The following LEPR variants were observed in gnomAD, a reference collection of about 807,000 sequenced individuals.
LEPR encodes leptin receptor, also known as OB receptor.
LEPR carries 56 observed loss-of-function variants against 114.7 expected under a neutral mutation model. The ratio of observed to expected loss-of-function variants is 0.49; its 90% CI spans 0.39 to 0.61. LEPR has a LOEUF of 0.61. LEPR is among the 20% of genes least tolerant of loss of function. The pLI is 0.00. For missense variants in LEPR, 1,202 were observed against 1,352.9 expected (o/e 0.89, Z 1.75); for synonymous variants, 443 against 461.4 (o/e 0.96, Z 0.51).
chr1:65,579,539 C>T (rs1654836142), intron 5 of LEPR, among the ~76,000 whole-genome samples: 2 of 152,164 alleles, frequency 1.3e-5, no homozygotes, highest in Non-Finnish European at 2.9e-5. Context: ...AAGCTCAGGG[C>T]AGTTTCCTGC....
intron 2 of LEPR, among the ~76,000 whole-genome samples, chr1:65,482,123 T>TACACACAC (rs141690381): frequency 0.016 from 2,407 of 149,586 alleles, 32 homozygotes; most frequent in African/African-American, 0.031. Context: ...ATTTTACACA[T>TACACACAC]ACACACACAC....
At chr1:65,504,460 G>A (rs1037809604) in intron 2 of LEPR, among the ~76,000 whole-genome samples, 3 of 152,218 alleles carry the variant, frequency 2.0e-5, no homozygotes, top group African/African-American at 7.2e-5. Context: ...CTTGTATGAT[G>A]CAATGGAAAT....
chr1:65,624,681 C>A (rs34075504), intron 19 of LEPR, among the ~76,000 whole-genome samples: 35,017 of 152,104 alleles, frequency 0.23, 4,369 homozygotes, highest in South Asian at 0.34. Context: ...TTTTAAAATT[C>A]TATTTTATTT....
intron 1 of LEPR, 55 bp from the exon 2 acceptor site, chr1:65,425,248 A>G: frequency 6.7e-7 from 1 of 1,489,468 alleles, no homozygotes; most frequent in Non-Finnish European, 9.3e-7. Context: ...CAAACCCTCT[A>G]GTGCCTGACA....
intron 2 of LEPR, 22 bp downstream of exon 2, chr1:65,425,400 A>G (rs781102208): frequency 1.3e-6 from 2 of 1,575,780 alleles, no homozygotes; most frequent in Admixed American, 3.9e-5. Flanking sequence ...TTTCAAAAAG[A>G]ACTATTCCTC....
chr1:65,530,063 T>G (rs1650277025), intron 2 of LEPR, among the ~76,000 whole-genome samples: 1 of 152,244 alleles, frequency 6.6e-6, no homozygotes, highest in Non-Finnish European at 1.5e-5. Context: ...AGCTGTCTAC[T>G]GAGCATTTCC....
At chr1:65,548,367 A>T (rs547761516) in intron 2 of LEPR, among the ~76,000 whole-genome samples, 1 of 152,000 alleles carries the variant, frequency 6.6e-6, no homozygotes, top group Non-Finnish European at 1.5e-5. Context: ...TATCCTTGTT[A>T]ACTTTCTCTG....
rs1401534367 is a variant in LEPR at position 65,605,215 on chromosome 1, A to ATG, written c.1585_1586dup (p.Leu530SerfsTer7). 6.2e-7 allele frequency: 1 copy of ATG among 1,614,032 alleles called. No individual in the cohort carries two copies. Among genetic ancestry groups the ATG allele is most frequent in the Admixed American group, 1.7e-5 (1 of 60,012 alleles). Reference sequence around the variant, plus strand: ...TAGGTTCACTTGACTCTCCACCAACATGTGTCCTTCCTGATTCTGTGGGTA... The same window carrying ATG: ...TAGGTTCACTTGACTCTCCACCAACATGTGTGTCCTTCCTGATTCTGTGGGTA... On this transcript the variant is annotated frameshift_variant, in exon 11 of 20. Transcript: ENST00000349533. LOFTEE classifies it high-confidence loss of function.
At chr1:65,560,057 C>G (rs1653200760) in intron 2 of LEPR, among the ~76,000 whole-genome samples, 2 of 143,034 alleles carry the variant, frequency 1.4e-5, no homozygotes, top group South Asian at 4.8e-4. Flanking sequence ...TCCATATGAA[C>G]TTGAAAGTAG....
At chr1:65,631,723 TATG>T (rs1031958422) in intron 19 of LEPR, among the ~76,000 whole-genome samples, 2 of 152,214 alleles carry the variant, frequency 1.3e-5, no homozygotes, top group African/African-American at 4.8e-5. Flanking sequence ...GAAAATGTGT[TATG>T]ATAACTCATT....
At chr1:65,477,454 G>A (rs550532392) in intron 2 of LEPR, among the ~76,000 whole-genome samples, 2 of 152,192 alleles carry the variant, frequency 1.3e-5, no homozygotes, top group African/African-American at 4.8e-5. Flanking sequence ...CTGTCAAAGT[G>A]CCCTTCAGAA....
intron 5 of LEPR, among the ~76,000 whole-genome samples, chr1:65,588,118 T>C (rs1284431227): frequency 6.6e-6 from 1 of 151,932 alleles, no homozygotes; most frequent in Non-Finnish European, 1.5e-5. Flanking sequence ...ACACTGTTAC[T>C]CCACACTCTT....
intron 5 of LEPR, among the ~76,000 whole-genome samples, chr1:65,585,294 T>C (rs1655240798): frequency 6.6e-6 from 1 of 152,100 alleles, no homozygotes; most frequent in Admixed American, 6.6e-5. Flanking sequence ...TATTTTGCTG[T>C]CAGTTTACAT....
intron 2 of LEPR, chr1:65,494,065 G>A (rs1648020476): frequency 6.6e-6 from 1 of 152,144 alleles, no homozygotes; most frequent in Admixed American, 6.6e-5. Flanking sequence ...GTTCTGGGAG[G>A]TGGGACAGTG....
In LEPR at chr1:65,640,923, T is replaced by TTTTA. The variant is rs3086968; in HGVS notation, c.*3928_*3931dup. 31,290 of 150,590 alleles carry TTTTA rather than the reference T, an allele frequency of 0.21. 4,358 individuals are homozygous for TTTTA. The highest frequency in any genetic ancestry group is 0.77 in the East Asian group (3,805 of 4,938). The allele number at this position is 150,590 out of a possible 1,614,324, so 9.3% of individuals were successfully genotyped here. On this transcript the variant is annotated 3_prime_UTR_variant, in exon 20 of 20. Transcript: ENST00000349533. ...TTACGGGCACACCACCATGCCCAGC[T>TTTTA]TTTATTTATTTATTTATTTATTTTG...
At chr1:65,530,483 G>T (rs1171268) in intron 2 of LEPR, among the ~76,000 whole-genome samples, 102,794 of 152,060 alleles carry the variant, frequency 0.68, 35,665 homozygotes, top group Middle Eastern at 0.87. Context: ...AGGTCTGCTG[G>T]TTGCCCATTT....
intron 2 of LEPR, among the ~76,000 whole-genome samples, chr1:65,451,329 G>A (rs1646781854): frequency 6.6e-6 from 1 of 152,118 alleles, no homozygotes; most frequent in South Asian, 2.1e-4. Context: ...TGCTCTTGGT[G>A]TTTTAGACAT....
rs530055996 is a variant in LEPR, at chr1:65,552,950, G to T, written c.-20-12596G>T. ...TCTCAGCATTTGCTTGTCTGTAAAG[G>T]ATTTTATTTCTCCTTCACTTATGAA... On this transcript the variant is annotated intron_variant, in intron 2 of 19. Coordinates refer to ENST00000349533, the MANE Select transcript of LEPR (RefSeq NM_002303.6). Among the ~76,000 whole-genome samples the T allele has an allele frequency of 2.0e-5, 3 of 152,244 alleles. No individual in the cohort carries two copies. In the East Asian group the frequency reaches 5.8e-4, roughly 29 times the overall value.
rs374995593 is a variant in LEPR at position 65,621,430 on chromosome 1, C to T, written c.2569C>T (p.Leu857Phe). 1.2e-6 allele frequency: 2 copies of T among 1,613,124 alleles called. No homozygotes were observed. Among genetic ancestry groups the T allele is most frequent in the Non-Finnish European group, 8.5e-7 (1 of 1,179,448 alleles). ...AATTATTTCCTCTTCCATCTTATTG[C>T]TTGGAACATTATTAATATCACACCA... ...PVIISSSILLLGTLLISHQRM... is the reference protein window; with the variant it reads ...PVIISSSILLFGTLLISHQRM... Residue 857 changes from leucine to phenylalanine, a missense_variant, in exon 18 of 20, where the codon CTT (leucine) becomes TTT (phenylalanine). Transcript: ENST00000349533.
Sources: gnomAD v4.1 joint callset for allele counts (sites outside exome capture counted in the v4.1 genomes callset) on GRCh38, gnomAD v4.1.1 for gene constraint, MANE v1.5 for transcripts, NCBI Gene and HGNC (gene_info 2026-07-23, HGNC 2026-07-21) for gene names.